Variants in AASDH observed in about 807,000 individuals in gnomAD.
AASDH encodes the protein aminoadipate-semialdehyde dehydrogenase.
Under a neutral mutation model 102.3 loss-of-function variants are expected in AASDH, and 81 were observed. The observed-to-expected ratio is 0.79, with a 90% CI of 0.66 to 0.95. The LOEUF is 0.95. Ranked by LOEUF, AASDH falls within the 40% of genes least tolerant of loss-of-function variation. The pLI is 0.00. For missense variants in AASDH, 1,203 were observed against 1,266.2 expected (o/e 0.95, Z 0.76); for synonymous variants, 398 against 454.0 (o/e 0.88, Z 1.57).
At chr4:56,355,538 GT>G in intron 5 of AASDH, 115 bp from the exon 6 acceptor site, 1 of 769,072 alleles carries the variant, frequency 1.3e-6, no homozygotes, top group Non-Finnish European at 1.8e-6. Flanking sequence ...TGAAGGCTGT[GT>G]TTATCAAATG....
intron 3 of AASDH, among the ~76,000 whole-genome samples, chr4:56,381,478 T>A (rs1403238924): frequency 6.6e-6 from 1 of 151,800 alleles, no homozygotes; most frequent in African/African-American, 2.4e-5. Context: ...CTTGGGCAGC[T>A]GAGGCACAAG....
At chr4:56,339,075 T>C (rs1311502940) in intron 14 of AASDH, among the ~76,000 whole-genome samples, 3 of 152,214 alleles carry the variant, frequency 2.0e-5, no homozygotes, top group African/African-American at 7.2e-5. Flanking sequence ...ATTCAAGAGT[T>C]AGTATTATTC....
intron 5 of AASDH, chr4:56,356,130 C>T: frequency 1.5e-6 from 1 of 645,704 alleles, no homozygotes; most frequent in South Asian, 1.8e-5. Context: ...CTCCCGCCGT[C>T]CAAGATGCCA....
chr4:56,346,743 A>G (rs1013156098), intron 11 of AASDH, among the ~76,000 whole-genome samples: 1 of 152,180 alleles, frequency 6.6e-6, no homozygotes, highest in African/African-American at 2.4e-5. Flanking sequence ...AGAGCAAATG[A>G]GGTTTTGAAA....
At chr4:56,364,062 A>G (rs374290038) in intron 5 of AASDH, among the ~76,000 whole-genome samples, 2 of 152,238 alleles carry the variant, frequency 1.3e-5, no homozygotes, top group Non-Finnish European at 2.9e-5. Context: ...CGAGAACTAC[A>G]TGATGAATGC....
intron 3 of AASDH, among the ~76,000 whole-genome samples, chr4:56,381,035 G>C (rs1752891616): frequency 6.6e-6 from 1 of 152,184 alleles, no homozygotes; most frequent in Admixed American, 6.5e-5. Flanking sequence ...GCAAGGTTTT[G>C]CTGCGCCCAA....
chr4:56,363,718 C>A (rs1750619014), intron 5 of AASDH, among the ~76,000 whole-genome samples: 4 of 152,142 alleles, frequency 2.6e-5, no homozygotes, highest in Admixed American at 2.0e-4. Flanking sequence ...AGAAACCCAT[C>A]TGTACGTCAC....
chr4:56,362,263 C>G (rs10434445), intron 5 of AASDH, among the ~76,000 whole-genome samples: 28,172 of 148,580 alleles, frequency 0.19, 2,939 homozygotes, highest in Admixed American at 0.33. Flanking sequence ...CTTTTTTTTT[C>G]TTTGTTTGTT....
intron 13 of AASDH, 74 bp from the exon 14 acceptor site, chr4:56,343,040 A>C: frequency 1.5e-5 from 20 of 1,349,204 alleles, no homozygotes; most frequent in Middle Eastern, 2.1e-4. Context: ...AAACAAACTC[A>C]TACATCTCCT....
At position 56,365,300 on chromosome 4, in the gene AASDH, G is replaced by C. The variant is rs185835067; in HGVS notation, c.861+6151C>G. 2.6e-3 allele frequency among the ~76,000 whole-genome samples: 393 copies of C among 151,566 alleles called. 4 individuals are homozygous for C. Among genetic ancestry groups the C allele is most frequent in the African/African-American group, 9.0e-3 (370 of 41,284 alleles). Reference sequence around the variant, plus strand: ...CTTTCACACCCCACTGCCAACATTAGACAGATCACCGAGACAGAAAGTTAA... The same window carrying C: ...CTTTCACACCCCACTGCCAACATTACACAGATCACCGAGACAGAAAGTTAA... On this transcript the variant is annotated intron_variant, in intron 5 of 14. Coordinates refer to ENST00000205214, the MANE Select transcript of AASDH (RefSeq NM_181806.4).
At chr4:56,346,242 C>T (rs943397521) in intron 11 of AASDH, among the ~76,000 whole-genome samples, 6 of 152,158 alleles carry the variant, frequency 3.9e-5, no homozygotes, top group African/African-American at 9.7e-5. Flanking sequence ...TGCCTATGGC[C>T]GCTGCCACTC....
intron 4 of AASDH, among the ~76,000 whole-genome samples, chr4:56,372,107 G>C (rs905300011): frequency 6.6e-6 from 1 of 152,214 alleles, no homozygotes; most frequent in Non-Finnish European, 1.5e-5. Context: ...ATTATCCAGG[G>C]TTGGCTGGAT....
intron 5 of AASDH, among the ~76,000 whole-genome samples, chr4:56,365,705 G>A (rs1750909498): frequency 6.6e-6 from 1 of 152,030 alleles, no homozygotes; most frequent in Admixed American, 6.5e-5. Context: ...GAATCTCTGG[G>A]ACGCATTCAA....
Position 56,364,657 on chromosome 4 carries a change from T to C in AASDH, c.861+6794A>G, listed in dbSNP as rs374955017. Among the ~76,000 whole-genome samples the C allele has an allele frequency of 5.3e-5, 8 of 152,164 alleles. No homozygotes were observed. In the South Asian group the frequency reaches 8.3e-4, roughly 16 times the overall value. ...AAGGAGAAATAAAATACTTTACAGA[T>C]AAGCAAATGCTGAGAGATTTTGTCA... On this transcript the variant is annotated intron_variant, in intron 5 of 14. Transcript: ENST00000205214.
intron 3 of AASDH, among the ~76,000 whole-genome samples, chr4:56,379,416 G>T (rs1279997215): frequency 6.6e-6 from 1 of 152,130 alleles, no homozygotes. Context: ...ATAGGCGTGG[G>T]CCCCAAATAT....
At chr4:56,347,891 A>C (rs180772787) in intron 11 of AASDH, among the ~76,000 whole-genome samples, 17 of 152,094 alleles carry the variant, frequency 1.1e-4, no homozygotes, top group Admixed American at 1.0e-3. Context: ...AGTGGCTCAC[A>C]CCTGTAATCC....
chr4:56,356,873 C>A, intron 5 of AASDH: 1 of 965,436 alleles, frequency 1.0e-6, no homozygotes, highest in Non-Finnish European at 1.6e-6. Flanking sequence ...AAGTCTGTGG[C>A]TCGCATCGCC....
intron 5 of AASDH, among the ~76,000 whole-genome samples, chr4:56,357,758 T>C (rs1285025783): frequency 6.6e-6 from 1 of 151,908 alleles, no homozygotes; most frequent in African/African-American, 2.4e-5. Context: ...ACAATTCATC[T>C]ATGCTGCTAA....
chr4:56,366,014 G>A (rs1750953988), intron 5 of AASDH, among the ~76,000 whole-genome samples: 1 of 152,052 alleles, frequency 6.6e-6, no homozygotes, highest in South Asian at 2.1e-4. Context: ...TCAAATAGAT[G>A]CAATAAAAAA....
Sources: allele counts gnomAD v4.1 joint callset (sites outside exome capture counted in the v4.1 genomes callset), GRCh38; gene constraint gnomAD v4.1.1; transcripts MANE v1.5; gene names NCBI Gene and HGNC (gene_info 2026-07-23, HGNC 2026-07-21).